Variants in PAK4 observed in about 807,000 individuals in gnomAD.
The protein encoded by PAK4 is serine/threonine-protein kinase PAK 4.
PAK4 carries 49 observed loss-of-function variants against 53.5 expected under a neutral mutation model. The ratio of observed to expected loss-of-function variants is 0.92; its 90% CI spans 0.73 to 1.16. The LOEUF (loss-of-function observed/expected upper bound fraction) is 1.16. PAK4 is among the 50% of genes most tolerant of loss of function. PAK4 has a pLI of 0.00. For synonymous variants in PAK4, 376 were observed against 375.6 expected (o/e 1.00, Z -0.01); for missense variants, 824 against 850.7 (o/e 0.97, Z 0.39).
chr19:39,178,526 G>A lies in PAK4; in HGVS notation c.1723G>A (p.Ala575Thr). 1 of 1,611,326 alleles carries A rather than the reference G, an allele frequency of 6.2e-7. No homozygotes were observed. The highest frequency in any genetic ancestry group is 2.2e-5 in the East Asian group (1 of 44,808). ...GCTGAAGCACCCATTCCTGGCCAAG[G>A]CAGGGCCGCCTGCCAGCATCGTGCC... The change falls in exon 9 of 9, where the codon GCA becomes ACA. Residue 575 changes from alanine (A) to threonine (T), a missense_variant. Transcript: ENST00000358301. This position sits in a 1 kb window ranked among gnomAD's most constrained non-coding sequence, Gnocchi z 4.4.
At chr19:39,131,659 G>T (rs964118782) in intron 1 of PAK4, among the ~76,000 whole-genome samples, 1 of 152,212 alleles carries the variant, frequency 6.6e-6, no homozygotes. Context: ...GCTGGCGGAT[G>T]CGACAGAAGC....
chr19:39,139,387 CGGGACCT>C (rs2073874052), intron 1 of PAK4, among the ~76,000 whole-genome samples: 1 of 152,032 alleles, frequency 6.6e-6, no homozygotes, highest in African/African-American at 2.4e-5. Flanking sequence ...ATAAAGGGTT[CGGGACCT>C]GGGCTCCAAG....
intron 1 of PAK4, among the ~76,000 whole-genome samples, chr19:39,159,902 C>G (rs896678040): frequency 2.6e-5 from 4 of 152,236 alleles, no homozygotes; most frequent in African/African-American, 9.6e-5. Flanking sequence ...GCGTCCCCCC[C>G]ACTGGATCTG....
chr19:39,133,711 A>G (rs1258205931), intron 1 of PAK4, among the ~76,000 whole-genome samples: 1 of 152,170 alleles, frequency 6.6e-6, no homozygotes, highest in Non-Finnish European at 1.5e-5. Context: ...CCTCACCTAG[A>G]GAGCTCCCCG....
At chr19:39,141,988 T>G (rs1163791164) in intron 1 of PAK4, among the ~76,000 whole-genome samples, 2 of 152,126 alleles carry the variant, frequency 1.3e-5, no homozygotes, top group Non-Finnish European at 2.9e-5. Flanking sequence ...AGGCCTCTTT[T>G]TTTTGTTTTG....
Position 39,178,784 on chromosome 19 carries a change from A to G in PAK4, c.*205A>G. 2.0e-6 allele frequency: 1 copy of G among 496,208 alleles called. No individual in the cohort carries two copies. The highest frequency in any genetic ancestry group is 2.0e-5 in the African/African-American group (1 of 49,314). 30.7% of individuals were successfully genotyped at this position (496,208 alleles called of 1,614,324 possible). On this transcript the variant is annotated 3_prime_UTR_variant, in exon 9 of 9. Transcript: ENST00000358301. This position sits in a 1 kb window ranked among gnomAD's most constrained non-coding sequence, Gnocchi z 4.4. ...TTAGAAAAACACAGGGACTCGTGGG[A>G]GCAAGCGAGGCTCCCAGGACCCCCA... is the stretch of plus-strand genomic sequence containing the variant.
At chr19:39,136,132 C>T (rs2073811262) in intron 1 of PAK4, among the ~76,000 whole-genome samples, 1 of 131,942 alleles carries the variant, frequency 7.6e-6, no homozygotes, top group East Asian at 2.6e-4. Flanking sequence ...CTCGTTACCC[C>T]CCTTCCTTGT....
At chr19:39,146,162 C>T (rs1054590374) in intron 1 of PAK4, among the ~76,000 whole-genome samples, 1 of 152,216 alleles carries the variant, frequency 6.6e-6, no homozygotes, top group Non-Finnish European at 1.5e-5. Flanking sequence ...GAGTCCAGCC[C>T]TGTCAGGCTG....
intron 1 of PAK4, among the ~76,000 whole-genome samples, chr19:39,159,219 G>C (rs2074243939): frequency 6.6e-6 from 1 of 152,178 alleles, no homozygotes; most frequent in Non-Finnish European, 1.5e-5. Flanking sequence ...GGCCTGCTGA[G>C]CCCCTGTACT....
rs139364259 is a variant in PAK4 at position 39,165,553 on chromosome 19, AAAT to A, written c.-22-3971_-22-3969del. Reference sequence around the variant, plus strand: ...AAATAAATAAATAAATAAATAAATAAAATAATAATAGACAAAACCAACAGTGTC... The same window carrying A: ...AAATAAATAAATAAATAAATAAATAAAATAATAGACAAAACCAACAGTGTC... On this transcript the variant is annotated intron_variant, in intron 1 of 8. Transcript: ENST00000358301. Among the ~76,000 whole-genome samples, 335 of 147,840 alleles carry A rather than the reference AAAT, an allele frequency of 2.3e-3. 10 individuals are homozygous for A. Among genetic ancestry groups the A allele is most frequent in the Middle Eastern group, 3.6e-3 (1 of 280 alleles).
intron 1 of PAK4, among the ~76,000 whole-genome samples, chr19:39,136,636 T>C (rs2073820150): frequency 6.6e-6 from 1 of 152,214 alleles, no homozygotes; most frequent in Admixed American, 6.5e-5. Flanking sequence ...TGGTTTATTT[T>C]GTCTCCCGGC....
At chr19:39,133,692 G>A (rs2073756031) in intron 1 of PAK4, among the ~76,000 whole-genome samples, 1 of 152,188 alleles carries the variant, frequency 6.6e-6, no homozygotes, top group Non-Finnish European at 1.5e-5. Context: ...AGCACCGGGT[G>A]GGCAGGGTCC....
At chr19:39,158,222 T>TGG (rs2074224774) in intron 1 of PAK4, among the ~76,000 whole-genome samples, 8 of 151,854 alleles carry the variant, frequency 5.3e-5, no homozygotes, top group African/African-American at 1.9e-4. Flanking sequence ...TGGGTGTGCG[T>TGG]GTGTGTGCAT....
At chr19:39,132,497 C>T (rs557246400) in intron 1 of PAK4, among the ~76,000 whole-genome samples, 66 of 152,384 alleles carry the variant, frequency 4.3e-4, no homozygotes, top group African/African-American at 1.6e-3. Context: ...CACTCCGAAG[C>T]TCGCTGTCAG....
intron 1 of PAK4, among the ~76,000 whole-genome samples, chr19:39,167,555 C>A (rs1002725397): frequency 6.6e-6 from 1 of 152,150 alleles, no homozygotes; most frequent in Non-Finnish European, 1.5e-5. Context: ...GCCCCCCGTC[C>A]GCCCTCCATC....
chr19:39,175,576 C>A lies in PAK4; in HGVS notation c.1359+138C>A. ...TTGAGGAGCTGGGAACTTCGTCCCTCCCTGGTGGAGCAGCCCAGAGTCAGG... is the reference window on the plus strand; with the variant it reads ...TTGAGGAGCTGGGAACTTCGTCCCTACCTGGTGGAGCAGCCCAGAGTCAGG... On this transcript the variant is annotated intron_variant, in intron 6 of 8. Coordinates refer to ENST00000358301, the Ensembl canonical transcript of PAK4. The surrounding 1 kb of genome is among the most constrained non-coding windows in gnomAD (Gnocchi z 4.7). 2.1e-6 allele frequency: 2 copies of A among 949,528 alleles called. No individual in the cohort carries two copies. The highest frequency in any genetic ancestry group is 3.1e-6 in the Non-Finnish European group (2 of 642,296). The allele number at this position is 949,528 out of a possible 1,614,324, so 58.8% of individuals were successfully genotyped here. A position where few individuals can be genotyped will look rare whatever the true frequency, so the allele number is the denominator to read the frequency against.
rs2074595659 is a variant in PAK4, at chr19:39,175,918, C to T, written c.1359+480C>T. Among the ~76,000 whole-genome samples the T allele has an allele frequency of 6.6e-6, 1 of 152,180 alleles. No homozygotes were observed. Among genetic ancestry groups the T allele is most frequent in the Admixed American group, 6.5e-5 (1 of 15,282 alleles). On this transcript the variant is annotated intron_variant, in intron 6 of 8. Coordinates refer to ENST00000358301, the Ensembl canonical transcript of PAK4. This position sits in a 1 kb window ranked among gnomAD's most constrained non-coding sequence, Gnocchi z 4.7. Reference sequence around the variant, plus strand: ...GCTTGCAGAAGTGGATGACTCCATCCCCTCCCCCAAGGAAGATTAAGCCAC... The same window carrying T: ...GCTTGCAGAAGTGGATGACTCCATCTCCTCCCCCAAGGAAGATTAAGCCAC...
chr19:39,146,213 C>G (rs2073996906), intron 1 of PAK4, among the ~76,000 whole-genome samples: 1 of 152,054 alleles, frequency 6.6e-6, no homozygotes, highest in African/African-American at 2.4e-5. Context: ...GTGAGGGAGA[C>G]AGACATGGTA....
downstream of PAK4, chr19:39,182,816 CA>C (rs35892153): frequency 6.9e-3 from 810 of 116,604 alleles, 3 homozygotes; most frequent in African/African-American, 0.016. Flanking sequence ...GAGATTCTGT[CA>C]AAAAAAAAAA....
Sources: gnomAD v4.1 joint callset for allele counts (sites outside exome capture counted in the v4.1 genomes callset) on GRCh38, gnomAD v4.1.1 for gene constraint, Gnocchi (gnomAD v3.1) non-coding constraint, MANE v1.5 for transcripts, NCBI Gene and HGNC (gene_info 2026-07-23, HGNC 2026-07-21) for gene names.